Variants in EVI5 observed in about 807,000 individuals in gnomAD.
EVI5 encodes the protein ecotropic viral integration site 5 protein homolog.
EVI5 carries 73 observed loss-of-function variants against 112.0 expected under a neutral mutation model. That is an observed-to-expected ratio of 0.65 (90% CI 0.54 to 0.79). The LOEUF (loss-of-function observed/expected upper bound fraction) is 0.79, where lower values mean the gene tolerates loss of function less well. Ranked by LOEUF, EVI5 falls within the 30% of genes least tolerant of loss-of-function variation. The pLI is 0.00. For missense variants in EVI5, 900 were observed against 968.8 expected (o/e 0.93, Z 0.94); for synonymous variants, 305 against 319.9 (o/e 0.95, Z 0.50).
At chr1:92,632,148 T>C (rs1657301458) in intron 14 of EVI5, among the ~76,000 whole-genome samples, 1 of 152,222 alleles carries the variant, frequency 6.6e-6, no homozygotes, top group African/African-American at 2.4e-5. Flanking sequence ...TCTCTTTTTT[T>C]CATTGTGTCT....
intron 10 of EVI5, among the ~76,000 whole-genome samples, chr1:92,667,304 G>A (rs1368144424): frequency 6.6e-6 from 1 of 151,756 alleles, no homozygotes; most frequent in African/African-American, 2.4e-5. Flanking sequence ...AAAAAAAATT[G>A]CCCATTTAGA....
chr1:92,656,258 T>C (rs974687876), intron 13 of EVI5, among the ~76,000 whole-genome samples: 5 of 151,910 alleles, frequency 3.3e-5, no homozygotes, highest in Non-Finnish European at 7.4e-5. Context: ...CTCAAAACTA[T>C]ACAAATACAT....
At chr1:92,760,815 G>C (rs1194037038) in intron 1 of EVI5, among the ~76,000 whole-genome samples, 5 of 151,678 alleles carry the variant, frequency 3.3e-5, no homozygotes, top group African/African-American at 1.2e-4. Context: ...CCAGCACTTT[G>C]GGAGGCCGAG....
At chr1:92,565,088 C>T (rs188972572) in intron 18 of EVI5, among the ~76,000 whole-genome samples, 42 of 152,292 alleles carry the variant, frequency 2.8e-4, no homozygotes, top group African/African-American at 9.6e-4. Flanking sequence ...CAGCTCTGAT[C>T]CGGAGCCATC....
Position 92,727,050 on chromosome 1 carries a change from A to G in EVI5, c.149+9348T>C, listed in dbSNP as rs938507455. On this transcript the variant is annotated intron_variant, in intron 2 of 19. Transcript: ENST00000684568. ...ATATTAATAATCACCTTAAATGTAA[A>G]TAACCTATTTTCCTCAAAAATCTCA... 7.2e-5 allele frequency among the ~76,000 whole-genome samples: 11 copies of G among 152,348 alleles called. No homozygotes were observed. In the East Asian group the frequency reaches 7.7e-4, roughly 11 times the overall value.
intron 13 of EVI5, among the ~76,000 whole-genome samples, chr1:92,661,700 A>T (rs1266406399): frequency 6.6e-6 from 1 of 152,088 alleles, no homozygotes; most frequent in African/African-American, 2.4e-5. Context: ...AACAGAAAAA[A>T]AAAGATGTTT....
At chr1:92,707,179 C>CAAAAA (rs1299441165) in intron 2 of EVI5, among the ~76,000 whole-genome samples, 8 of 26,540 alleles carry the variant, frequency 3.0e-4, no homozygotes, top group Admixed American at 3.9e-4. Flanking sequence ...AACTCTGTCT[C>CAAAAA]AAAAAAAAAA....
chr1:92,536,955 G>A (rs1298109013), intron 19 of EVI5, among the ~76,000 whole-genome samples: 2 of 151,980 alleles, frequency 1.3e-5, no homozygotes, highest in Non-Finnish European at 2.9e-5. Flanking sequence ...ATTATATAAT[G>A]CTTTACAGTT....
intron 1 of EVI5, among the ~76,000 whole-genome samples, chr1:92,747,075 G>A (rs72970658): frequency 7.9e-5 from 12 of 152,034 alleles, no homozygotes; most frequent in East Asian, 7.7e-4. Context: ...TTCCACATCC[G>A]CAGGTTCTGA....
rs954088882 is a variant in EVI5 at position 92,512,973 on chromosome 1, C to G, written c.*683G>C. On this transcript the variant is annotated 3_prime_UTR_variant, in exon 20 of 20. Transcript: ENST00000684568. Reference sequence around the variant, plus strand: ...ACCAGCCCAGCCAACATGGTGAAACCCCATCTCTACTAAAAATACAAAAAA... The same window carrying G: ...ACCAGCCCAGCCAACATGGTGAAACGCCATCTCTACTAAAAATACAAAAAA... The G allele has an allele frequency of 6.6e-6, 1 of 151,622 alleles. No individual in the cohort carries two copies. Among genetic ancestry groups the G allele is most frequent in the Admixed American group, 6.6e-5 (1 of 15,202 alleles). The allele number at this position is 151,622 out of a possible 1,614,324, so 9.4% of individuals were successfully genotyped here. A position where few individuals can be genotyped will look rare whatever the true frequency, so the allele number is the denominator to read the frequency against.
At position 92,696,342 on chromosome 1, in the gene EVI5, A is replaced by G. The variant is rs574640327; in HGVS notation, c.766-889T>C. On this transcript the variant is annotated intron_variant, in intron 6 of 19. Coordinates refer to ENST00000684568, the MANE Select transcript of EVI5 (RefSeq NM_001350197.2). The stretch of plus-strand genomic sequence containing the variant: ...TAAGAATCATCTCAAGTCCAGGCAC[A>G]GTGGCTCATGCCTGTAATCCCAGCA... Among the ~76,000 whole-genome samples, 9 of 152,260 alleles carry G rather than the reference A, an allele frequency of 5.9e-5. No homozygotes were observed. The South Asian group carries it at 1.9e-3, about 32-fold the overall frequency.
intron 2 of EVI5, among the ~76,000 whole-genome samples, chr1:92,718,162 C>T (rs139880065): frequency 4.6e-5 from 7 of 152,172 alleles, no homozygotes; most frequent in African/African-American, 1.7e-4. Context: ...AGGATATCCA[C>T]GACTTGAACT....
Position 92,771,247 on chromosome 1 carries a change from T to C in EVI5, c.-82+13589A>G, listed in dbSNP as rs373218574. On this transcript the variant is annotated intron_variant, in intron 1 of 19. Coordinates refer to ENST00000684568, the MANE Select transcript of EVI5 (RefSeq NM_001350197.2). ...ATAGTGGCTACTCCTTTTGTTCTTA[T>C]GCAGACTCTTCATCAGCTCATTTCT... Among the ~76,000 whole-genome samples the C allele has an allele frequency of 1.3e-5, 2 of 152,234 alleles. 1 individual carries two copies.
intron 19 of EVI5, among the ~76,000 whole-genome samples, chr1:92,542,961 A>G (rs1665070768): frequency 6.6e-6 from 1 of 152,210 alleles, no homozygotes; most frequent in Admixed American, 6.5e-5. Flanking sequence ...TTTCATTTAC[A>G]GAGCACAGGC....
intron 10 of EVI5, among the ~76,000 whole-genome samples, chr1:92,674,234 G>C (rs1187713094): frequency 2.6e-5 from 4 of 152,160 alleles, no homozygotes; most frequent in African/African-American, 9.7e-5. Flanking sequence ...ATCATGATTA[G>C]AATGAGTTGT....
chr1:92,709,400 G>A (rs1486010234), intron 2 of EVI5, among the ~76,000 whole-genome samples: 5 of 152,022 alleles, frequency 3.3e-5, no homozygotes, highest in African/African-American at 4.8e-5. Context: ...AATGGCACTA[G>A]GGATAGTAAA....
At chr1:92,529,413 T>A (rs1426935426) in intron 19 of EVI5, among the ~76,000 whole-genome samples, 1 of 152,246 alleles carries the variant, frequency 6.6e-6, no homozygotes, top group African/African-American at 2.4e-5. Context: ...ACATTGCCAC[T>A]TTTTAAGTGA....
intron 10 of EVI5, among the ~76,000 whole-genome samples, chr1:92,666,640 GAAGA>G (rs926088853): frequency 2.0e-5 from 3 of 149,494 alleles, no homozygotes; most frequent in African/African-American, 7.4e-5. Context: ...GGGAAGGGGA[GAAGA>G]AAGGAAAGGA....
At chr1:92,705,594 G>A (rs890916055) in intron 2 of EVI5, among the ~76,000 whole-genome samples, 5 of 152,274 alleles carry the variant, frequency 3.3e-5, no homozygotes, top group Admixed American at 6.5e-5. Context: ...GTTGAATTTT[G>A]AGCTTGCAAC....
Sources: allele counts gnomAD v4.1 joint callset (sites outside exome capture counted in the v4.1 genomes callset), GRCh38; gene constraint gnomAD v4.1.1; transcripts MANE v1.5; gene names NCBI Gene and HGNC (gene_info 2026-07-23, HGNC 2026-07-21).